Variants in INPP4A observed in about 807,000 individuals in gnomAD.
INPP4A encodes the protein inositol polyphosphate-4-phosphatase, type I, 107kD.
Under a neutral mutation model 119.8 loss-of-function variants are expected in INPP4A, and 33 were observed. That is an observed-to-expected ratio of 0.28 (90% CI 0.21 to 0.37). The LOEUF (loss-of-function observed/expected upper bound fraction) is 0.37, where lower values mean the gene tolerates loss of function less well. Among genes scored for constraint, INPP4A ranks in the 10% least tolerant of loss-of-function variants. The pLI is 1.00. For synonymous variants in INPP4A, 496 were observed against 500.7 expected, an observed-to-expected ratio of 0.99 and a Z score of 0.12; for missense variants, 956 against 1,289.9, an observed-to-expected ratio of 0.74 and a Z score of 3.97.
Position 98,566,993 on chromosome 2 carries a change from T to C in INPP4A, c.2420+824T>C, listed in dbSNP as rs192312830. On this transcript the variant is annotated intron_variant, in intron 21 of 24. Coordinates refer to ENST00000409851, the MANE Select transcript of INPP4A (RefSeq NM_001134225.2). This position sits in a 1 kb window ranked among gnomAD's most constrained non-coding sequence, Gnocchi z 4.2. ...GCCTTCTGATGTCCAACCCCAGTGG[T>C]TGATGTCCATTGACGCCTAGGTGTA... 7.2e-5 allele frequency among the ~76,000 whole-genome samples: 11 copies of C among 152,302 alleles called. No individual in the cohort carries two copies. The highest frequency in any genetic ancestry group is 2.2e-4 in the African/African-American group (9 of 41,560).
intron 7 of INPP4A, among the ~76,000 whole-genome samples, chr2:98,537,649 G>A (rs766017593): frequency 6.6e-6 from 1 of 152,126 alleles, no homozygotes; most frequent in South Asian, 2.1e-4. Context: ...GTGCGTGTCC[G>A]TTCAGACACA....
Position 98,449,574 on chromosome 2 carries a change from G to A in INPP4A, c.-166+4489G>A, listed in dbSNP as rs184645696. On this transcript the variant is annotated intron_variant, in intron 1 of 24. Coordinates refer to ENST00000409851, the MANE Select transcript of INPP4A (RefSeq NM_001134225.2). ...CTCAGCTTATACTTTCCTTGTCCCA[G>A]CCCTGGAATCAGCCATTTCTCCAAA... Among the ~76,000 whole-genome samples, 3 of 152,244 alleles carry A rather than the reference G, an allele frequency of 2.0e-5. No homozygotes were observed. In the East Asian group the frequency reaches 5.8e-4, roughly 29 times the overall value.
intron 23 of INPP4A, among the ~76,000 whole-genome samples, chr2:98,574,627 G>T (rs573959611): frequency 6.8e-6 from 1 of 146,846 alleles, no homozygotes; most frequent in African/African-American, 2.5e-5. Flanking sequence ...GATAGAGTGA[G>T]ACTCCATCTC....
chr2:98,488,634 A>G (rs1186770043), intron 1 of INPP4A, among the ~76,000 whole-genome samples: 1 of 152,234 alleles, frequency 6.6e-6, no homozygotes, highest in Non-Finnish European at 1.5e-5. Context: ...TTCCTCTCTG[A>G]GTCCTGTAGT....
intron 4 of INPP4A, among the ~76,000 whole-genome samples, chr2:98,525,061 C>T (rs1368386554): frequency 4.6e-5 from 7 of 152,102 alleles, no homozygotes; most frequent in Non-Finnish European, 1.0e-4. Flanking sequence ...ATTTAGAAGG[C>T]CTCTGGGGCC....
chr2:98,541,169 T>C (rs1054348759), intron 10 of INPP4A, among the ~76,000 whole-genome samples: 1 of 151,902 alleles, frequency 6.6e-6, no homozygotes, highest in Admixed American at 6.5e-5. Context: ...CTACTAAAAA[T>C]ACAAAAAATT....
At chr2:98,540,168 A>G (rs1691149956) in intron 10 of INPP4A, among the ~76,000 whole-genome samples, 1 of 152,066 alleles carries the variant, frequency 6.6e-6, no homozygotes, top group South Asian at 2.1e-4. Flanking sequence ...CTGACCTCAG[A>G]TGATCCACCC....
intron 1 of INPP4A, among the ~76,000 whole-genome samples, chr2:98,465,449 C>T (rs747293470): frequency 1.3e-5 from 2 of 152,186 alleles, no homozygotes; most frequent in East Asian, 1.9e-4. Context: ...TCTCAAGATT[C>T]GAAACTTAAT....
rs111872110 is a variant in INPP4A at position 98,548,757 on chromosome 2, C to A, written c.1163+2063C>A. Among the ~76,000 whole-genome samples, 663 of 152,208 alleles carry A rather than the reference C, an allele frequency of 4.4e-3. 9 individuals are homozygous for A. Among genetic ancestry groups the A allele is most frequent in the African/African-American group, 0.015 (641 of 41,510 alleles). On this transcript the variant is annotated intron_variant, in intron 13 of 24. Transcript: ENST00000409851. ...CCTGAGGTGGGATGTCTCCCTGGGGCTTGAGCACAGGGAGTGACGCTGCTC... is the reference window on the plus strand; with the variant it reads ...CCTGAGGTGGGATGTCTCCCTGGGGATTGAGCACAGGGAGTGACGCTGCTC...
At chr2:98,491,153 CGGA>C (rs1188275127) in intron 1 of INPP4A, among the ~76,000 whole-genome samples, 1 of 152,124 alleles carries the variant, frequency 6.6e-6, no homozygotes, top group Non-Finnish European at 1.5e-5. Flanking sequence ...AAAAAGGGGG[CGGA>C]GGAGGAGCTT....
rs187623744 is a variant in INPP4A, at chr2:98,458,989, C to T, written c.-166+13904C>T. 8.5e-5 allele frequency among the ~76,000 whole-genome samples: 13 copies of T among 152,332 alleles called. No homozygotes were observed. The East Asian group carries it at 2.3e-3, about 27-fold the overall frequency. The stretch of plus-strand genomic sequence containing the variant: ...GTAGCCACCACACGCCCAAAGGCAC[C>T]CGAAGTGCTTGATTTTGACTGACTT... On this transcript the variant is annotated intron_variant, in intron 1 of 24. Coordinates refer to ENST00000409851, the MANE Select transcript of INPP4A (RefSeq NM_001134225.2).
intron 13 of INPP4A, among the ~76,000 whole-genome samples, chr2:98,549,683 G>T (rs1450182842): frequency 6.6e-6 from 1 of 152,180 alleles, no homozygotes; most frequent in Non-Finnish European, 1.5e-5. Flanking sequence ...AGGGGCTATG[G>T]CTGGGCCCTG....
At chr2:98,534,742 G>T (rs1284098646) in intron 5 of INPP4A, among the ~76,000 whole-genome samples, 2 of 152,180 alleles carry the variant, frequency 1.3e-5, no homozygotes, top group African/African-American at 4.8e-5. Flanking sequence ...CTGTGCAGGG[G>T]AGTCACCTGA....
chr2:98,581,761 C>A, intron 24 of INPP4A: 1 of 1,607,270 alleles, frequency 6.2e-7, no homozygotes, highest in South Asian at 1.1e-5. Context: ...AAATGAATAT[C>A]ATTATGAAAA....
intron 1 of INPP4A, among the ~76,000 whole-genome samples, chr2:98,470,017 C>T (rs1044248887): frequency 2.0e-5 from 3 of 152,236 alleles, no homozygotes; most frequent in Non-Finnish European, 4.4e-5. Flanking sequence ...GAGGCATAGT[C>T]ATGACTGATG....
At position 98,555,794 on chromosome 2, in the gene INPP4A, C is replaced by T; in HGVS notation, c.1808C>T (p.Pro603Leu). The T allele has an allele frequency of 6.4e-7, 1 of 1,562,392 alleles. No homozygotes were observed. Among genetic ancestry groups the T allele is most frequent in the Non-Finnish European group, 8.7e-7 (1 of 1,152,720 alleles). Reference protein sequence around the residue: ...PSTMPSTACHPHLTTHCSPPP... With the variant: ...PSTMPSTACHLHLTTHCSPPP... Reference sequence around the variant, plus strand: ...ACCATGCCCTCCACTGCATGCCATCCTCATCTGACCACACGTGCGTATGCA... The same window carrying T: ...ACCATGCCCTCCACTGCATGCCATCTTCATCTGACCACACGTGCGTATGCA... Residue 603 changes from proline (P) to leucine (L), a missense_variant, in exon 16 of 25, where the codon CCT becomes CTT. Pro to Leu is a moderately conservative substitution (Grantham distance 98). Around this residue, in one of 2 missense-constraint regions of INPP4A, gnomAD observed 652 missense variants for 797.9 expected, o/e 0.82. Coordinates refer to ENST00000409851, the MANE Select transcript of INPP4A (RefSeq NM_001134225.2).
chr2:98,505,438 T>C (rs1381596070), intron 1 of INPP4A, among the ~76,000 whole-genome samples: 2 of 152,218 alleles, frequency 1.3e-5, no homozygotes, highest in Non-Finnish European at 2.9e-5. Flanking sequence ...CCTGCAGTGC[T>C]TCCTTGTTGA....
intron 23 of INPP4A, among the ~76,000 whole-genome samples, chr2:98,575,020 A>G (rs1698180909): frequency 6.6e-6 from 1 of 152,098 alleles, no homozygotes; most frequent in African/African-American, 2.4e-5. Context: ...TCCCCTGGGG[A>G]TAAGGGGTTG....
intron 1 of INPP4A, among the ~76,000 whole-genome samples, chr2:98,494,033 T>G (rs1681398716): frequency 6.6e-6 from 1 of 152,246 alleles, no homozygotes; most frequent in Non-Finnish European, 1.5e-5. Flanking sequence ...GAAAATCTGC[T>G]AGATCTCAGT....
Sources: allele counts gnomAD v4.1 joint callset (sites outside exome capture counted in the v4.1 genomes callset), GRCh38; gene constraint gnomAD v4.1.1; regional missense constraint gnomAD v4.1.1; non-coding constraint Gnocchi (gnomAD v3.1); transcripts MANE v1.5; gene names NCBI Gene and HGNC (gene_info 2026-07-23, HGNC 2026-07-21).